The following NYAP2 variants were observed in gnomAD, a reference collection of about 807,000 sequenced individuals.
NYAP2 encodes the protein neuronal tyrosine-phosphorylated phosphoinositide-3-kinase adapter 2.
In NYAP2, 23 loss-of-function variants were observed where a neutral mutation model predicts 50.4. The observed-to-expected ratio is 0.46, with a 90% CI of 0.33 to 0.65. The LOEUF is 0.65. NYAP2 is among the 30% of genes least tolerant of loss of function. The probability of loss-of-function intolerance (pLI) is 0.02; values close to 1 mark genes in which losing one functional copy is unlikely to be tolerated. For synonymous variants in NYAP2, 394 were observed against 365.2 expected (o/e 1.08, Z -0.90); for missense variants, 885 against 861.0 (o/e 1.03, Z -0.35).
At chr2:225,427,960 A>G (rs1695310776) in intron 3 of NYAP2, among the ~76,000 whole-genome samples, 1 of 152,152 alleles carries the variant, frequency 6.6e-6, no homozygotes, top group East Asian at 1.9e-4. Context: ...AAGAGTCCCC[A>G]TACCAGCCAA....
chr2:225,576,838 A>G (rs1172916283), intron 4 of NYAP2, among the ~76,000 whole-genome samples: 1 of 152,176 alleles, frequency 6.6e-6, no homozygotes, highest in African/African-American at 2.4e-5. Context: ...TAAGGAATTC[A>G]TATTTGTTCA....
intron 4 of NYAP2, among the ~76,000 whole-genome samples, chr2:225,562,646 G>A (rs1417811761): frequency 6.6e-6 from 1 of 152,164 alleles, no homozygotes; most frequent in South Asian, 2.1e-4. Flanking sequence ...ATACAGAGTC[G>A]AAGTGGAAGA....
intron 4 of NYAP2, among the ~76,000 whole-genome samples, chr2:225,540,375 A>T (rs951471869): frequency 6.6e-6 from 1 of 152,198 alleles, no homozygotes; most frequent in Non-Finnish European, 1.5e-5. Context: ...TTACAGTTCC[A>T]CATGTCTGGG....
intron 5 of NYAP2, among the ~76,000 whole-genome samples, chr2:225,592,441 C>T (rs1692523818): frequency 1.3e-5 from 2 of 152,204 alleles, no homozygotes; most frequent in African/African-American, 4.8e-5. Context: ...TTAGCACCAC[C>T]TCTTTACTCT....
chr2:225,675,143 A>C, the NYAP2 span, among the ~76,000 whole-genome samples: 1 of 152,120 alleles, frequency 6.6e-6, no homozygotes, highest in Non-Finnish European at 1.5e-5. Flanking sequence ...CTTTTTAAAA[A>C]TTTCAACTTT....
the NYAP2 span, among the ~76,000 whole-genome samples, chr2:225,676,063 A>G: frequency 6.6e-6 from 1 of 152,112 alleles, no homozygotes; most frequent in African/African-American, 2.4e-5. Context: ...GACCTTTATC[A>G]GAGGCACAGT....
At chr2:225,522,129 A>G (rs1216728252) in intron 4 of NYAP2, among the ~76,000 whole-genome samples, 1 of 151,902 alleles carries the variant, frequency 6.6e-6, no homozygotes, top group African/African-American at 2.4e-5. Context: ...TATCCCCTTT[A>G]TCATTTTTTA....
upstream of NYAP2, among the ~76,000 whole-genome samples, chr2:225,398,940 T>G (rs1265521432): frequency 6.6e-6 from 1 of 152,046 alleles, no homozygotes; most frequent in African/African-American, 2.4e-5. Context: ...TTTAAGAAAA[T>G]TACAGCACAG....
chr2:225,634,570 G>T (rs1360560083), intron 6 of NYAP2, among the ~76,000 whole-genome samples: 1 of 152,018 alleles, frequency 6.6e-6, no homozygotes, highest in East Asian at 1.9e-4. Flanking sequence ...CAAAAAAAAA[G>T]CCATTTCTTA....
intron 4 of NYAP2, among the ~76,000 whole-genome samples, chr2:225,565,173 T>G (rs908005612): frequency 6.6e-6 from 1 of 152,052 alleles, no homozygotes; most frequent in East Asian, 1.9e-4. Flanking sequence ...ATCTGTTGAA[T>G]TTTCTATTGT....
At chr2:225,527,610 C>T (rs578043661) in intron 4 of NYAP2, among the ~76,000 whole-genome samples, 2 of 152,198 alleles carry the variant, frequency 1.3e-5, no homozygotes, top group Admixed American at 1.3e-4. Context: ...TTAAAGAGTT[C>T]ACCTGATTAA....
chr2:225,575,410 C>T (rs1487041716), intron 4 of NYAP2, among the ~76,000 whole-genome samples: 2 of 152,132 alleles, frequency 1.3e-5, no homozygotes, highest in South Asian at 2.1e-4. Flanking sequence ...ATTATATTTG[C>T]TCAAAATTCT....
chr2:225,399,180 T>A (rs1457754226), upstream of NYAP2, among the ~76,000 whole-genome samples: 1 of 151,962 alleles, frequency 6.6e-6, no homozygotes, highest in Non-Finnish European at 1.5e-5. Flanking sequence ...AATAAGCACA[T>A]CCCCTCCCAT....
intron 4 of NYAP2, among the ~76,000 whole-genome samples, chr2:225,543,474 A>C (rs1228311997): frequency 6.6e-6 from 1 of 151,932 alleles, no homozygotes; most frequent in African/African-American, 2.4e-5. Flanking sequence ...TTGTTTTAAG[A>C]AATTTTCCAA....
intron 3 of NYAP2, among the ~76,000 whole-genome samples, chr2:225,452,524 G>C (rs1689669116): frequency 6.6e-6 from 1 of 152,088 alleles, no homozygotes; most frequent in Non-Finnish European, 1.5e-5. Flanking sequence ...TCCTTCCTCT[G>C]TAACTTCTTC....
intron 4 of NYAP2, among the ~76,000 whole-genome samples, chr2:225,522,649 T>C (rs1452360960): frequency 6.6e-6 from 1 of 152,196 alleles, no homozygotes; most frequent in Non-Finnish European, 1.5e-5. Context: ...TACCCTGTTG[T>C]ACTGGGATCC....
At chr2:225,688,106 T>C in the NYAP2 span, among the ~76,000 whole-genome samples, 12 of 152,292 alleles carry the variant, frequency 7.9e-5, no homozygotes, top group African/African-American at 2.9e-4. Context: ...AGCATTGATT[T>C]GTGTCTCAAC....
chr2:225,661,959 A>G, the NYAP2 span, among the ~76,000 whole-genome samples: 11 of 152,060 alleles, frequency 7.2e-5, no homozygotes, highest in Admixed American at 5.2e-4. Context: ...CCTGACCTCA[A>G]GTGATCTGCC....
chr2:225,399,502 TATC>T (rs1337696750), upstream of NYAP2, among the ~76,000 whole-genome samples: 1 of 152,048 alleles, frequency 6.6e-6, no homozygotes, highest in Non-Finnish European at 1.5e-5. Context: ...ATGACATACA[TATC>T]ATAATTATTT....
Sources: gnomAD v4.1 joint callset for allele counts (sites outside exome capture counted in the v4.1 genomes callset) on GRCh38, gnomAD v4.1.1 for gene constraint, MANE v1.5 for transcripts, NCBI Gene and HGNC (gene_info 2026-07-23, HGNC 2026-07-21) for gene names.